EPDR1: variants seen among roughly 807,000 people sequenced by gnomAD.
EPDR1 encodes mammalian ependymin-related protein 1.
EPDR1 carries 27 observed loss-of-function variants against 23.7 expected under a neutral mutation model. The ratio of observed to expected loss-of-function variants is 1.14; its 90% CI spans 0.84 to 1.57. The LOEUF (loss-of-function observed/expected upper bound fraction) is 1.57, where lower values mean the gene tolerates loss of function less well. EPDR1 is among the 40% of genes most tolerant of loss of function. EPDR1 has a pLI of 0.00. For synonymous variants in EPDR1, 137 were observed against 118.2 expected, an observed-to-expected ratio of 1.16 and a Z score of -1.03; for missense variants, 349 against 290.4, an observed-to-expected ratio of 1.20 and a Z score of -1.47.
In EPDR1 at chr7:37,950,455, A is replaced by G. The variant is rs1488692199; in HGVS notation, c.*59A>G. The stretch of plus-strand genomic sequence containing the variant: ...CAGCCCCCTGCGGCCCCAGCTGGAG[A>G]TGGATATGAGACTAGTCAAGATGTG... On this transcript the variant is annotated 3_prime_UTR_variant, in exon 3 of 3. Coordinates refer to ENST00000199448, the MANE Select transcript of EPDR1 (RefSeq NM_017549.5). The G allele has an allele frequency of 5.5e-6, 8 of 1,455,000 alleles. No individual in the cohort carries two copies. The African/African-American group carries it at 5.7e-5, about 10-fold the overall frequency. The allele number at this position is 1,455,000 out of a possible 1,614,324, so 90.1% of individuals were successfully genotyped here. A position where few individuals can be genotyped will look rare whatever the true frequency, so the allele number is the denominator to read the frequency against.
In EPDR1 at chr7:37,945,646, G is replaced by A. The variant is rs146783553; in HGVS notation, c.270-3194G>A. Among the ~76,000 whole-genome samples the A allele has an allele frequency of 7.3e-3, 1,109 of 152,262 alleles. 2 individuals are homozygous for A. Among genetic ancestry groups the A allele is most frequent in the Middle Eastern group, 0.02 (6 of 294 alleles). On this transcript the variant is annotated intron_variant, in intron 1 of 2. Coordinates refer to ENST00000199448, the MANE Select transcript of EPDR1 (RefSeq NM_017549.5). ...TACTCACATGTCTGGGGTGGTGGTG[G>A]TGTAAACAAACTTACTGTGCTGTCA...
intron 1 of EPDR1, among the ~76,000 whole-genome samples, chr7:37,938,019 C>CTTTTTTT (rs1786092068): frequency 3.3e-5 from 2 of 60,934 alleles, no homozygotes; most frequent in African/African-American, 1.1e-4. Flanking sequence ...GAGATGGAGC[C>CTTTTTTT]TTTCTCTGCC....
In EPDR1 at chr7:37,950,913, C is replaced by G. The variant is rs1415754692; in HGVS notation, c.*517C>G. 6.6e-6 allele frequency: 1 copy of G among 152,382 alleles called. No homozygotes were observed. The allele number at this position is 152,382 out of a possible 1,614,324, so 9.4% of individuals were successfully genotyped here. A position where few individuals can be genotyped will look rare whatever the true frequency, so the allele number is the denominator to read the frequency against. ...AGCCCTACTCCACCCTGTCCCTGCA[C>G]TCCCTTGGTTGCCAAAAAAATGATA... On this transcript the variant is annotated 3_prime_UTR_variant, in exon 3 of 3. Transcript: ENST00000199448.
At chr7:37,942,906 T>C (rs1261525300) in intron 1 of EPDR1, among the ~76,000 whole-genome samples, 2 of 152,228 alleles carry the variant, frequency 1.3e-5, no homozygotes, top group African/African-American at 2.4e-5. Context: ...AAATTGTCAA[T>C]GTAACCTGAG....
chr7:37,922,134 A>C (rs1785719846), intron 1 of EPDR1, among the ~76,000 whole-genome samples: 1 of 152,018 alleles, frequency 6.6e-6, no homozygotes, highest in Non-Finnish European at 1.5e-5. Flanking sequence ...GCCTCTCTTT[A>C]TGGCATTTGC....
intron 1 of EPDR1, among the ~76,000 whole-genome samples, chr7:37,947,845 C>T (rs750123910): frequency 5.3e-5 from 8 of 152,136 alleles, no homozygotes; most frequent in Non-Finnish European, 1.0e-4. Flanking sequence ...CTGGGCTCAG[C>T]CTCTGAATAT....
chr7:37,946,554 T>C (rs1291464162), intron 1 of EPDR1, among the ~76,000 whole-genome samples: 3 of 152,212 alleles, frequency 2.0e-5, no homozygotes, highest in African/African-American at 7.2e-5. Context: ...TTTATCGTTA[T>C]TTTAGAGTGT....
chr7:37,946,199 G>T (rs1444056695), intron 1 of EPDR1, among the ~76,000 whole-genome samples: 1 of 152,176 alleles, frequency 6.6e-6, no homozygotes. Flanking sequence ...ACACAGGTAT[G>T]CATGTATCTT....
rs569003279 is a variant in EPDR1, at chr7:37,939,592, G to C, written c.270-9248G>C. Among the ~76,000 whole-genome samples, 9 of 151,966 alleles carry C rather than the reference G, an allele frequency of 5.9e-5. No homozygotes were observed. The South Asian group carries it at 1.9e-3, about 32-fold the overall frequency. ...GTGCCTCAAACTAGATCCTGTTTAG[G>C]CATGTTATAACAAGTTTTGTGAGTT... On this transcript the variant is annotated intron_variant, in intron 1 of 2. Coordinates refer to ENST00000199448, the MANE Select transcript of EPDR1 (RefSeq NM_017549.5).
At chr7:37,931,367 A>T (rs1785934599) in intron 1 of EPDR1, among the ~76,000 whole-genome samples, 1 of 152,098 alleles carries the variant, frequency 6.6e-6, no homozygotes, top group African/African-American at 2.4e-5. Context: ...TACAAAAATT[A>T]GCCAGGCATG....
At chr7:37,931,987 C>T (rs1785951196) in intron 1 of EPDR1, among the ~76,000 whole-genome samples, 2 of 152,292 alleles carry the variant, frequency 1.3e-5, no homozygotes, top group Non-Finnish European at 1.5e-5. Flanking sequence ...GGATTACACG[C>T]GTGAGCCACC....
At chr7:37,942,226 C>T (rs891067662) in intron 1 of EPDR1, among the ~76,000 whole-genome samples, 2 of 152,122 alleles carry the variant, frequency 1.3e-5, no homozygotes, top group Non-Finnish European at 2.9e-5. Flanking sequence ...AGGAATCCAT[C>T]AGTGGATGAA....
chr7:37,921,060 C>G lies in EPDR1; in HGVS notation c.121C>G (p.Pro41Ala). 6.4e-7 allele frequency: 1 copy of G among 1,552,612 alleles called. No homozygotes were observed. The highest frequency in any genetic ancestry group is 8.7e-7 in the Non-Finnish European group (1 of 1,155,282). Residue 41 changes from proline (P) to alanine (A), a missense_variant, in exon 1 of 3, where the codon CCG becomes GCG. By Grantham distance (27) the Pro-to-Ala change is conservative (BLOSUM62 -1). Transcript: ENST00000199448. ...CSLGAVGAPR[P>A]CQAPQQWEGR... The stretch of plus-strand genomic sequence containing the variant: ...CCTGGGGGCGGTGGGAGCCCCGCGC[C>G]CGTGCCAGGCGCCGCAGCAGTGGGA...
chr7:37,948,268 T>C (rs182415534), intron 1 of EPDR1, among the ~76,000 whole-genome samples: 295 of 152,174 alleles, frequency 1.9e-3, no homozygotes, highest in Non-Finnish European at 3.3e-3. Flanking sequence ...CATGTTTGTA[T>C]GCTAAGCACA....
At chr7:37,945,461 C>T (rs1472262045) in intron 1 of EPDR1, among the ~76,000 whole-genome samples, 1 of 152,058 alleles carries the variant, frequency 6.6e-6, no homozygotes, top group Non-Finnish European at 1.5e-5. Context: ...TCCATACTAC[C>T]TCATAGAAAC....
At chr7:37,931,643 A>G (rs1301924001) in intron 1 of EPDR1, among the ~76,000 whole-genome samples, 3 of 152,046 alleles carry the variant, frequency 2.0e-5, no homozygotes, top group Non-Finnish European at 4.4e-5. Context: ...TTTTATTAAC[A>G]TCTCCAGGTA....
At chr7:37,949,964 G>A (rs1786363213) in intron 2 of EPDR1, among the ~76,000 whole-genome samples, 1 of 152,148 alleles carries the variant, frequency 6.6e-6, no homozygotes, top group Non-Finnish European at 1.5e-5. Context: ...AGCTGGGAGA[G>A]GAGGAATGGG....
chr7:37,925,098 A>C (rs1016543530), intron 1 of EPDR1, among the ~76,000 whole-genome samples: 3 of 152,100 alleles, frequency 2.0e-5, no homozygotes, highest in Non-Finnish European at 4.4e-5. Context: ...AGTAATTGAT[A>C]CCATTTTATT....
intron 1 of EPDR1, among the ~76,000 whole-genome samples, chr7:37,934,152 A>AT: frequency 6.6e-6 from 1 of 151,988 alleles, no homozygotes; most frequent in Non-Finnish European, 1.5e-5. Context: ...AATTTTTTGT[A>AT]TTTTTAGTAG....
Sources: gnomAD v4.1 joint callset for allele counts (sites outside exome capture counted in the v4.1 genomes callset) on GRCh38, gnomAD v4.1.1 for gene constraint, MANE v1.5 for transcripts, NCBI Gene and HGNC (gene_info 2026-07-23, HGNC 2026-07-21) for gene names.